The following FES variants were observed in gnomAD, a reference collection of about 807,000 sequenced individuals.
The protein encoded by FES is FES proto-oncogene, tyrosine kinase.
FES carries 83 observed loss-of-function variants against 109.6 expected under a neutral mutation model. The ratio of observed to expected loss-of-function variants is 0.76; its 90% CI spans 0.63 to 0.91. The LOEUF (loss-of-function observed/expected upper bound fraction) is 0.91. Ranked by LOEUF, FES falls within the 40% of genes least tolerant of loss-of-function variation. The pLI is 0.00. For synonymous variants in FES, 458 were observed against 442.1 expected (o/e 1.04, Z -0.45); for missense variants, 943 against 1,070.9 (o/e 0.88, Z 1.67).
chr15:90,888,060 G>A (rs532095297), intron 5 of FES, among the ~76,000 whole-genome samples: 1 of 152,274 alleles, frequency 6.6e-6, no homozygotes, highest in South Asian at 2.1e-4. Context: ...CTTTGGCTCT[G>A]GGTGAACAAG....
In FES at chr15:90,893,966, G is replaced by A; in HGVS notation, c.2234G>A (p.Ser745Asn). The change falls in exon 18 of 19, where the codon AGC becomes AAC. Residue 745 changes from serine to asparagine, a missense_variant. Ser to Asn is a conservative substitution (Grantham distance 46). Transcript: ENST00000328850. ...TACTCCTCCGAAAGCGACGTGTGGAGCTTTGGCATCTTGCTCTGGGAGACC... is the reference window on the plus strand; with the variant it reads ...TACTCCTCCGAAAGCGACGTGTGGAACTTTGGCATCTTGCTCTGGGAGACC... The part of the protein sequence containing the change: ...GRYSSESDVW[S>N]FGILLWETFS... 1 of 1,613,838 alleles carries A rather than the reference G, an allele frequency of 6.2e-7. No homozygotes were observed.
At position 90,891,972 on chromosome 15, in the gene FES, G is replaced by A. The variant is rs558046272; in HGVS notation, c.1654-86G>A. 221 of 1,536,716 alleles carry A rather than the reference G, an allele frequency of 1.4e-4. 2 individuals are homozygous for A. In the Middle Eastern group the frequency reaches 2.2e-3, roughly 15 times the overall value. The stretch of plus-strand genomic sequence containing the variant: ...CCCACCCCTGGTCACATATGGAGGC[G>A]CCAAAAAATGGAGGACACAGCCCTT... On this transcript the variant is annotated intron_variant, in intron 12 of 18. Coordinates refer to ENST00000328850, the MANE Select transcript of FES (RefSeq NM_002005.4).
intron 12 of FES, 152 bp from the exon 13 acceptor site, chr15:90,891,906 G>A: frequency 9.3e-7 from 1 of 1,078,876 alleles, no homozygotes; most frequent in Non-Finnish European, 1.4e-6. Flanking sequence ...CAGGGCACCT[G>A]CCTGGACCCC....
chr15:90,887,192 G>A lies in FES; in HGVS notation c.490G>A (p.Asp164Asn). ...CCTTGCCCCCCTTCTGGCAGACAAG[G>A]ACCGTGACAAGGCTAAGGACAAGTA... is the stretch of plus-strand genomic sequence containing the variant. ...RKYQEASKDK[D>N]RDKAKDKYVR... is the part of the protein sequence containing the mutation. Residue 164 changes from aspartate (D) to asparagine (N), a missense_variant, in exon 5 of 19, where the codon GAC (aspartate) becomes AAC (asparagine). Physicochemically the swap from Asp to Asn is conservative, Grantham distance 23. Transcript: ENST00000328850. 6.2e-7 allele frequency: 1 copy of A among 1,613,024 alleles called. No individual in the cohort carries two copies. The highest frequency in any genetic ancestry group is 1.1e-5 in the South Asian group (1 of 91,054).
Position 90,889,520 on chromosome 15 carries a change from C to A in FES, c.810C>A (p.Ser270=). Residue 270 remains serine (S), a synonymous_variant, in exon 7 of 19, where the codon TCC becomes TCA. Transcript: ENST00000328850. The surrounding 1 kb of genome is among the most constrained non-coding windows in gnomAD (Gnocchi z 6.1). ...EYQGFLRQYG[S]APDVPPCVTF... ...GACGGGGCGCTGTCCCCCACAGGTC[C>A]GCACCTGACGTCCCACCCTGTGTCA... The A allele has an allele frequency of 6.2e-7, 1 of 1,613,866 alleles. No homozygotes were observed.
chr15:90,891,024 C>G lies in FES; in HGVS notation c.1363C>G (p.Leu455Val), dbSNP rs1287021999. The G allele has an allele frequency of 1.3e-6, 2 of 1,597,966 alleles. No homozygotes were observed. The highest frequency in any genetic ancestry group is 2.3e-5 in the South Asian group (2 of 88,214). The change falls in exon 11 of 19, where the codon CTG (leucine) becomes GTG (valine). Residue 455 changes from leucine (L) to valine (V), a missense_variant. Transcript: ENST00000328850. ...GCTCATTCCGGAGGTGCAGAAGCCC[C>G]TGCATGAGCAGCTGTGGTACCACGG... ...LQLIPEVQKP[L>V]HEQLWYHGAI...
chr15:90,894,611 C>A (rs2033540215), intron 18 of FES, among the ~76,000 whole-genome samples: 1 of 151,930 alleles, frequency 6.6e-6, no homozygotes, highest in Non-Finnish European at 1.5e-5. Flanking sequence ...ACAAAAAATA[C>A]AAAAATTAGC....
intron 3 of FES, among the ~76,000 whole-genome samples, chr15:90,885,858 C>T (rs1226367197): frequency 6.6e-6 from 1 of 152,162 alleles, no homozygotes; most frequent in Non-Finnish European, 1.5e-5. Context: ...AGCTCAGAAT[C>T]GGTACTCGCC....
In FES at chr15:90,885,170, G is replaced by A; in HGVS notation, c.125G>A (p.Arg42Lys). 2 of 1,613,922 alleles carry A rather than the reference G, an allele frequency of 1.2e-6. No individual in the cohort carries two copies. Among genetic ancestry groups the A allele is most frequent in the Non-Finnish European group, 1.7e-6 (2 of 1,180,010 alleles). Reference protein sequence around the residue: ...KWMAQRVKSDREYAGLLHHMS... With the variant: ...KWMAQRVKSDKEYAGLLHHMS... ...ATGGCCCAGCGGGTCAAGAGTGACA[G>A]GGAGTATGCAGGACTGCTTCACCAC... Residue 42 changes from arginine to lysine, a missense_variant, in exon 2 of 19, where the codon AGG (arginine) becomes AAG (lysine). Arg to Lys is a conservative substitution (Grantham distance 26). Coordinates refer to ENST00000328850, the MANE Select transcript of FES (RefSeq NM_002005.4).
intron 12 of FES, 21 bp downstream of exon 12, chr15:90,891,697 G>C (rs774596975): frequency 1.2e-6 from 2 of 1,612,488 alleles, no homozygotes; most frequent in African/African-American, 2.7e-5. Flanking sequence ...ACCCAGCCTG[G>C]CCCATGCCAC....
chr15:90,895,086 T>A (rs545812064), intron 18 of FES, among the ~76,000 whole-genome samples: 2 of 151,436 alleles, frequency 1.3e-5, no homozygotes, highest in East Asian at 1.9e-4. Context: ...AAAAAAAAAA[T>A]AGAATATCCC....
intron 13 of FES, 189 bp from the exon 14 acceptor site, chr15:90,892,518 A>G: frequency 1.7e-6 from 1 of 589,754 alleles, no homozygotes; most frequent in Non-Finnish European, 3.0e-6. Flanking sequence ...GGCACATCGG[A>G]GGCAACTTTC....
Position 90,885,564 on chromosome 15 carries a change from G to T in FES, c.366G>T (p.Gln122His), listed in dbSNP as rs759113888. The change falls in exon 3 of 19, where the codon CAG (glutamine) becomes CAT (histidine). Residue 122 changes from glutamine (Q) to histidine (H), a missense_variant. Gln to His is a conservative substitution (Grantham distance 24). Coordinates refer to ENST00000328850, the MANE Select transcript of FES (RefSeq NM_002005.4). ...AGACCTACAGCGAGCAGTGGCAGCAGCTGCAGCAGGAGCTCACCAAGGTGA... is the reference window on the plus strand; with the variant it reads ...AGACCTACAGCGAGCAGTGGCAGCATCTGCAGCAGGAGCTCACCAAGGTGA... ...LRKTYSEQWQ[Q>H]LQQELTKTHS... is the part of the protein sequence containing the mutation. 8.4e-5 allele frequency: 136 copies of T among 1,612,986 alleles called. No individual in the cohort carries two copies. The Admixed American group carries it at 1.4e-3, about 17-fold the overall frequency.
rs1465075995 is a variant in FES, at chr15:90,893,154, C to T, written c.1881C>T (p.Thr627=). 1.2e-6 allele frequency: 2 copies of T among 1,613,906 alleles called. No individual in the cohort carries two copies. The highest frequency in any genetic ancestry group is 3.3e-5 in the Admixed American group (2 of 59,998). ...PNIVRLIGVC[T]QKQPIYIVME... is the part of the protein sequence containing the mutation. ...TCGTGCGTCTCATTGGTGTCTGCACCCAGAAGCAGCCCATCTACATCGTCA... is the reference window on the plus strand; with the variant it reads ...TCGTGCGTCTCATTGGTGTCTGCACTCAGAAGCAGCCCATCTACATCGTCA... The change falls in exon 15 of 19, where the codon ACC becomes ACT. Residue 627 remains threonine, a synonymous_variant. Transcript: ENST00000328850.
chr15:90,894,201 G>T lies in FES; in HGVS notation c.2326+143G>T. On this transcript the variant is annotated intron_variant, in intron 18 of 18. Coordinates refer to ENST00000328850, the MANE Select transcript of FES (RefSeq NM_002005.4). Reference sequence around the variant, plus strand: ...CCAGTTGCTCACGCCTGTCATCCCAGCACTTTGGGAGGCTGAGCTGGGTGG... The same window carrying T: ...CCAGTTGCTCACGCCTGTCATCCCATCACTTTGGGAGGCTGAGCTGGGTGG... 3 of 993,952 alleles carry T rather than the reference G, an allele frequency of 3.0e-6. 1 individual carries two copies. The highest frequency in any genetic ancestry group is 3.1e-5 in the South Asian group (2 of 64,514). 61.6% of individuals were successfully genotyped at this position (993,952 alleles called of 1,614,324 possible).
Position 90,893,204 on chromosome 15 carries a change from G to C in FES, c.1921+10G>C. The C allele has an allele frequency of 3.1e-6, 5 of 1,613,678 alleles. No individual in the cohort carries two copies. The highest frequency in any genetic ancestry group is 4.2e-6 in the Non-Finnish European group (5 of 1,179,884). On this transcript the variant is annotated intron_variant, in intron 15 of 18. Transcript: ENST00000328850. ...ATGGAGCTTGTGCAGGGTGAGCGCG[G>C]GGCGCTGAGCTCCAGGTAGGGCGCG...
rs578080250 is a variant in FES, at chr15:90,892,222, G to C, written c.1707+111G>C. The C allele has an allele frequency of 6.7e-6, 8 of 1,194,986 alleles. No homozygotes were observed. The African/African-American group carries it at 1.2e-4, about 18-fold the overall frequency. The allele number at this position is 1,194,986 out of a possible 1,614,324, so 74.0% of individuals were successfully genotyped here. A position where few individuals can be genotyped will look rare whatever the true frequency, so the allele number is the denominator to read the frequency against. ...CCCTGCCCCATCTGATTCCCCACTTGTACCCCGACTCCCTGCCCAGCCCCC... is the reference window on the plus strand; with the variant it reads ...CCCTGCCCCATCTGATTCCCCACTTCTACCCCGACTCCCTGCCCAGCCCCC... On this transcript the variant is annotated intron_variant, in intron 13 of 18. Transcript: ENST00000328850.
intron 13 of FES, 168 bp downstream of exon 13, chr15:90,892,279 T>C (rs1596111231): frequency 6.9e-6 from 5 of 722,184 alleles, no homozygotes; most frequent in Non-Finnish European, 1.2e-5. Flanking sequence ...AACGGGACAG[T>C]ACCTACCCTG....
chr15:90,891,275 G>T, intron 11 of FES, 84 bp downstream of exon 11: 1 of 1,473,184 alleles, frequency 6.8e-7, no homozygotes, highest in South Asian at 1.2e-5. Flanking sequence ...TTTCAGGGTA[G>T]GGGGTAGCTG....
Sources: allele counts gnomAD v4.1 joint callset (sites outside exome capture counted in the v4.1 genomes callset), GRCh38; gene constraint gnomAD v4.1.1; non-coding constraint Gnocchi (gnomAD v3.1); transcripts MANE v1.5; gene names NCBI Gene and HGNC (gene_info 2026-07-23, HGNC 2026-07-21).